Variants in RIMBP2 observed in about 807,000 individuals in gnomAD.
RIMBP2 encodes the protein RIMS-binding protein 2.
In RIMBP2, 48 loss-of-function variants were observed where a neutral mutation model predicts 118.6. The observed-to-expected ratio is 0.40, with a 90% CI of 0.32 to 0.51. The LOEUF (loss-of-function observed/expected upper bound fraction) is 0.51. Ranked by LOEUF, RIMBP2 falls within the 20% of genes least tolerant of loss-of-function variation. The pLI is 0.41. For synonymous variants in RIMBP2, 762 were observed against 742.9 expected (o/e 1.03, Z -0.42); for missense variants, 1,551 against 1,768.3 (o/e 0.88, Z 2.20).
chr12:130,441,664 T>A (rs1274258515), intron 11 of RIMBP2, among the ~76,000 whole-genome samples, 184 bp downstream of exon 11: 1 of 152,156 alleles, frequency 6.6e-6, no homozygotes, highest in African/African-American at 2.4e-5. Context: ...CCTAACATGT[T>A]CCAAGGACTC....
At chr12:130,402,271 A>G (rs1461916029) in intron 21 of RIMBP2, among the ~76,000 whole-genome samples, 1 of 152,146 alleles carries the variant, frequency 6.6e-6, no homozygotes, top group Non-Finnish European at 1.5e-5. Flanking sequence ...AGAGTTTCTA[A>G]GCCAGGTTTT....
chr12:130,646,275 C>T (rs111398153), intron 1 of RIMBP2, among the ~76,000 whole-genome samples: 12 of 76,248 alleles, frequency 1.6e-4, no homozygotes, highest in Admixed American at 8.5e-4. Context: ...ACCTGCCTCA[C>T]CACCTCCCTC....
intron 1 of RIMBP2, among the ~76,000 whole-genome samples, chr12:130,679,792 TA>T (rs1300987079): frequency 2.0e-5 from 3 of 152,108 alleles, no homozygotes; most frequent in Admixed American, 2.0e-4. Flanking sequence ...AACAAAGAAA[TA>T]AAAAATATAA....
chr12:130,585,086 C>T (rs927701016), intron 2 of RIMBP2, among the ~76,000 whole-genome samples: 3 of 152,090 alleles, frequency 2.0e-5, no homozygotes, highest in Non-Finnish European at 4.4e-5. Flanking sequence ...GATGAGGTCT[C>T]GCTCTGTTGC....
chr12:130,450,740 T>C lies in RIMBP2; in HGVS notation c.504+455A>G, dbSNP rs1427814772. ...ACATCACCCCCTGCCTTAACAGCTTTCAGTGGCTTCACCTCGGACTCAGAC... is the reference window on the plus strand; with the variant it reads ...ACATCACCCCCTGCCTTAACAGCTTCCAGTGGCTTCACCTCGGACTCAGAC... On this transcript the variant is annotated intron_variant, in intron 8 of 22. Coordinates refer to ENST00000690449, the MANE Select transcript of RIMBP2 (RefSeq NM_001393629.1). This position sits in a 1 kb window ranked among gnomAD's most constrained non-coding sequence, Gnocchi z 4.8. Among the ~76,000 whole-genome samples, 2 of 151,816 alleles carry C rather than the reference T, an allele frequency of 1.3e-5. No homozygotes were observed. Among genetic ancestry groups the C allele is most frequent in the African/African-American group, 4.8e-5 (2 of 41,382 alleles).
At chr12:130,451,425 C>G (rs2079003577) in intron 7 of RIMBP2, 85 bp from the exon 8 acceptor site, 3 of 1,375,446 alleles carry the variant, frequency 2.2e-6, no homozygotes. Context: ...CCCGGGGTGC[C>G]TTTCCCCTCT....
At chr12:130,405,029 G>A (rs2075027328) in intron 21 of RIMBP2, among the ~76,000 whole-genome samples, 3 of 152,078 alleles carry the variant, frequency 2.0e-5, no homozygotes, top group Non-Finnish European at 4.4e-5. Context: ...GGAAAAAATG[G>A]TAGATACTTG....
intron 1 of RIMBP2, chr12:130,657,918 A>G (rs2063496947): frequency 6.6e-6 from 1 of 152,262 alleles, no homozygotes; most frequent in South Asian, 2.1e-4. Context: ...CTGGCCTTAA[A>G]CAGGCCTGGC....
chr12:130,678,470 C>T (rs1019024620), intron 1 of RIMBP2, among the ~76,000 whole-genome samples: 8 of 152,202 alleles, frequency 5.3e-5, no homozygotes, highest in Non-Finnish European at 8.8e-5. Flanking sequence ...GGAAACACGA[C>T]ACCCAGTCAA....
chr12:130,603,932 C>G (rs1461140210), intron 2 of RIMBP2, among the ~76,000 whole-genome samples: 1 of 79,888 alleles, frequency 1.3e-5, no homozygotes, highest in Non-Finnish European at 2.5e-5. Context: ...TGTACTCCTA[C>G]TTATAAAATA....
intron 1 of RIMBP2, among the ~76,000 whole-genome samples, chr12:130,711,174 C>T (rs913361632): frequency 6.6e-6 from 1 of 152,116 alleles, no homozygotes. Context: ...GCCCAGGAGG[C>T]GGAGGCTGCA....
At chr12:130,568,766 G>A (rs537426136) in intron 2 of RIMBP2, among the ~76,000 whole-genome samples, 81 of 152,266 alleles carry the variant, frequency 5.3e-4, no homozygotes, top group African/African-American at 1.9e-3. Context: ...TTTGATACAC[G>A]CTATTTCACA....
At chr12:130,514,543 G>A (rs2051243470) in intron 3 of RIMBP2, among the ~76,000 whole-genome samples, 1 of 152,158 alleles carries the variant, frequency 6.6e-6, no homozygotes, top group Non-Finnish European at 1.5e-5. Context: ...GCCTCTCCAG[G>A]TGCAGGAGCC....
At chr12:130,505,616 C>T (rs1247263897) in intron 4 of RIMBP2, among the ~76,000 whole-genome samples, 4 of 86,162 alleles carry the variant, frequency 4.6e-5, no homozygotes, top group African/African-American at 1.5e-4. Context: ...CCACTCCCCA[C>T]CATCATCCCT....
In RIMBP2 at chr12:130,434,845, G is replaced by T. The variant is rs758734324; in HGVS notation, c.2142C>A (p.Ser714Arg). The change falls in exon 14 of 23, where the codon AGC becomes AGA. Residue 714 changes from serine (S) to arginine (R), a missense_variant. This residue lies in a region of RIMBP2 where 1,038 missense variants were observed against 1,125.1 expected (regional missense o/e 0.92). Coordinates refer to ENST00000690449, the MANE Select transcript of RIMBP2 (RefSeq NM_001393629.1). This position sits in a 1 kb window ranked among gnomAD's most constrained non-coding sequence, Gnocchi z 5.7. ...EKRSVFLERSSAGQYAASDEE... is the reference protein window; with the variant it reads ...EKRSVFLERSRAGQYAASDEE... Reference sequence around the variant, plus strand: ...CGTCTGAGGCGGCGTACTGCCCCGCGCTGCTTCTCTCTAGGAAGACGCTCC... The same window carrying T: ...CGTCTGAGGCGGCGTACTGCCCCGCTCTGCTTCTCTCTAGGAAGACGCTCC... 5 of 1,612,570 alleles carry T rather than the reference G, an allele frequency of 3.1e-6. No individual in the cohort carries two copies. The highest frequency in any genetic ancestry group is 4.2e-6 in the Non-Finnish European group (5 of 1,179,484).
chr12:130,475,390 AGCTG>A lies in RIMBP2; in HGVS notation c.102+3518_102+3521del, dbSNP rs937752869. ...CAAGGGTGGTCAGGTCTGGGGGTGA[AGCTG>A]ATCCCACCAAGGAATCTCTAAGTAC... On this transcript the variant is annotated intron_variant, in intron 5 of 22. Transcript: ENST00000690449. This position sits in a 1 kb window ranked among gnomAD's most constrained non-coding sequence, Gnocchi z 4.1. 5.3e-5 allele frequency among the ~76,000 whole-genome samples: 8 copies of A among 152,222 alleles called. No homozygotes were observed. The highest frequency in any genetic ancestry group is 3.9e-4 in the Admixed American group (6 of 15,286).
intron 2 of RIMBP2, among the ~76,000 whole-genome samples, chr12:130,519,853 A>C (rs1402470099): frequency 6.6e-6 from 1 of 152,230 alleles, no homozygotes; most frequent in Non-Finnish European, 1.5e-5. Flanking sequence ...CTGTGACTTA[A>C]GGAGGTAAAA....
At chr12:130,471,199 G>A (rs1424585008) in intron 5 of RIMBP2, among the ~76,000 whole-genome samples, 1 of 152,236 alleles carries the variant, frequency 6.6e-6, no homozygotes, top group Non-Finnish European at 1.5e-5. Context: ...TGCAGCCTGT[G>A]GCAGGGCCGC....
intron 2 of RIMBP2, among the ~76,000 whole-genome samples, chr12:130,564,726 G>A (rs190702117): frequency 1.1e-3 from 165 of 152,326 alleles, no homozygotes; most frequent in African/African-American, 3.6e-3. Flanking sequence ...GGATGTAAGA[G>A]GGGGATGTGG....
Sources: gnomAD v4.1 joint callset for allele counts (sites outside exome capture counted in the v4.1 genomes callset) on GRCh38, gnomAD v4.1.1 for gene constraint, gnomAD v4.1.1 regional missense constraint, Gnocchi (gnomAD v3.1) non-coding constraint, MANE v1.5 for transcripts, NCBI Gene and HGNC (gene_info 2026-07-23, HGNC 2026-07-21) for gene names.